Variants in SLC31A1 observed in about 807,000 individuals in gnomAD.
SLC31A1 encodes the protein solute carrier family 31 member 1, also known as high affinity copper uptake protein 1.
A neutral mutation model predicts 17.2 loss-of-function variants in SLC31A1; 5 were observed. The observed-to-expected ratio is 0.29, with a 90% CI of 0.15 to 0.61. The LOEUF is 0.61. SLC31A1 is among the 20% of genes least tolerant of loss of function. The pLI is 0.86. For synonymous variants in SLC31A1, 76 were observed against 78.8 expected (o/e 0.96, Z 0.19); for missense variants, 161 against 241.4 (o/e 0.67, Z 2.21).
At chr9:113,245,592 C>A (rs117452400) in intron 1 of SLC31A1, among the ~76,000 whole-genome samples, 1,898 of 151,948 alleles carry the variant, frequency 0.012, 28 homozygotes, top group Non-Finnish European at 0.016. Context: ...GGAGCTACTA[C>A]GTTTTTTCCA....
At chr9:113,221,891 C>T (rs117553669) in intron 1 of SLC31A1, among the ~76,000 whole-genome samples, 338 of 152,326 alleles carry the variant, frequency 2.2e-3, no homozygotes, top group Non-Finnish European at 3.9e-3. Flanking sequence ...TCAGTTTCCC[C>T]GTGTATGCAA....
chr9:113,259,784 C>A (rs1372802367), intron 4 of SLC31A1, among the ~76,000 whole-genome samples: 1 of 151,888 alleles, frequency 6.6e-6, no homozygotes, highest in Non-Finnish European at 1.5e-5. Flanking sequence ...CAAGGTTTCG[C>A]CATGTTGCCC....
At position 113,230,556 on chromosome 9, in the gene SLC31A1, G is replaced by C. The variant is rs146283234; in HGVS notation, c.-36+8878G>C. Among the ~76,000 whole-genome samples, 31 of 152,238 alleles carry C rather than the reference G, an allele frequency of 2.0e-4. No individual in the cohort carries two copies. In the East Asian group the frequency reaches 6.0e-3, roughly 29 times the overall value. On this transcript the variant is annotated intron_variant, in intron 1 of 4. Transcript: ENST00000374212. The stretch of plus-strand genomic sequence containing the variant: ...TTATAGGCATGAGCCACTGTACCCT[G>C]CCTGTTTTGTTTTTAATTAATACAT...
At chr9:113,254,990 AG>A (rs1587995939) in intron 1 of SLC31A1, among the ~76,000 whole-genome samples, 1 of 152,224 alleles carries the variant, frequency 6.6e-6, no homozygotes, top group East Asian at 1.9e-4. Context: ...TAAAGATACA[AG>A]GCTGAATTTG....
intron 3 of SLC31A1, among the ~76,000 whole-genome samples, chr9:113,257,606 C>T (rs1367077485): frequency 2.6e-5 from 4 of 151,640 alleles, no homozygotes; most frequent in Non-Finnish European, 5.9e-5. Flanking sequence ...CTGCCTCAGC[C>T]TCCTGAGTAG....
At chr9:113,234,263 T>G (rs1831430739) in intron 1 of SLC31A1, among the ~76,000 whole-genome samples, 1 of 151,850 alleles carries the variant, frequency 6.6e-6, no homozygotes, top group Non-Finnish European at 1.5e-5. Context: ...TACAGTGGCG[T>G]GATCTTGGCT....
At chr9:113,255,563 A>T (rs1020703375) in intron 1 of SLC31A1, among the ~76,000 whole-genome samples, 1 of 152,144 alleles carries the variant, frequency 6.6e-6, no homozygotes, top group African/African-American at 2.4e-5. Context: ...AAAACAAAAA[A>T]TTAGCTGAGC....
At chr9:113,232,730 G>A (rs2118988213) in intron 1 of SLC31A1, among the ~76,000 whole-genome samples, 1 of 150,628 alleles carries the variant, frequency 6.6e-6, no homozygotes, top group South Asian at 2.1e-4. Flanking sequence ...CATAATCCCA[G>A]CCACTTGGTA....
At chr9:113,225,281 G>A (rs1259554662) in intron 1 of SLC31A1, among the ~76,000 whole-genome samples, 1 of 152,198 alleles carries the variant, frequency 6.6e-6, no homozygotes, top group African/African-American at 2.4e-5. Context: ...ACAGAAGAAA[G>A]TAATGGATTA....
In SLC31A1 at chr9:113,263,567, C is replaced by T. The variant is rs75939479; in HGVS notation, c.*3094C>T. The T allele has an allele frequency of 0.054, 8,201 of 152,580 alleles. 364 individuals are homozygous for T. Among genetic ancestry groups the T allele is most frequent in the South Asian group, 0.16 (780 of 4,814 alleles). The allele number at this position is 152,580 out of a possible 1,614,324, so 9.5% of individuals were successfully genotyped here. On this transcript the variant is annotated 3_prime_UTR_variant, in exon 5 of 5. Coordinates refer to ENST00000374212, the MANE Select transcript of SLC31A1 (RefSeq NM_001859.4). ...TCCCTTTTCTTTCAGTTTTTTTAATCGCATGTCTAGTATATTAAGTCTCCA... is the reference window on the plus strand; with the variant it reads ...TCCCTTTTCTTTCAGTTTTTTTAATTGCATGTCTAGTATATTAAGTCTCCA...
intron 3 of SLC31A1, 84 bp downstream of exon 3, chr9:113,257,269 CT>C: frequency 8.9e-7 from 1 of 1,123,830 alleles, no homozygotes; most frequent in Non-Finnish European, 1.4e-6. Context: ...GCACCTCTTT[CT>C]GTCCTAATTA....
intron 1 of SLC31A1, among the ~76,000 whole-genome samples, chr9:113,251,559 C>G (rs1831653959): frequency 6.6e-6 from 1 of 152,100 alleles, no homozygotes; most frequent in African/African-American, 2.4e-5. Context: ...AGGAAACAGG[C>G]TAAAAAGAAC....
chr9:113,239,830 C>G (rs769616251), intron 1 of SLC31A1, among the ~76,000 whole-genome samples: 1 of 152,224 alleles, frequency 6.6e-6, no homozygotes, highest in South Asian at 2.1e-4. Context: ...GTGATTCACC[C>G]TTCTTGGCCT....
In SLC31A1 at chr9:113,258,851, C is replaced by G. The variant is rs757926731; in HGVS notation, c.360C>G (p.His120Gln). Residue 120 changes from histidine to glutamine, a missense_variant, in exon 4 of 5, where the codon CAC (histidine) becomes CAG (glutamine). Physicochemically the swap from His to Gln is conservative, Grantham distance 24. Transcript: ENST00000374212. The surrounding 1 kb of genome is among the most constrained non-coding windows in gnomAD (Gnocchi z 4.8). ...GPNGTILMETHKTVGQQMLSF... is the reference protein window; with the variant it reads ...GPNGTILMETQKTVGQQMLSF... ...ATGGAACCATCCTTATGGAGACACA[C>G]AAAACTGTTGGGTAAGAACTGAACA... 4 of 1,614,198 alleles carry G rather than the reference C, an allele frequency of 2.5e-6. No homozygotes were observed. In the Admixed American group the frequency reaches 6.7e-5, roughly 27 times the overall value.
chr9:113,228,043 A>T (rs1357967931), intron 1 of SLC31A1, among the ~76,000 whole-genome samples: 3 of 152,204 alleles, frequency 2.0e-5, no homozygotes, highest in Non-Finnish European at 4.4e-5. Context: ...ATTTTATTTG[A>T]CCCTTACAAT....
At chr9:113,224,864 A>G (rs771129874) in intron 1 of SLC31A1, among the ~76,000 whole-genome samples, 3 of 152,240 alleles carry the variant, frequency 2.0e-5, no homozygotes, top group Non-Finnish European at 4.4e-5. Flanking sequence ...TATTAGTTGT[A>G]TAGGCCATAG....
Position 113,221,656 on chromosome 9 carries a change from G to C in SLC31A1, c.-58G>C, listed in dbSNP as rs1831271731. On this transcript the variant is annotated 5_prime_UTR_variant, in exon 1 of 5. Transcript: ENST00000374212. ...TTAAGATTCGGAGAGAGAGGTGCTA[G>C]TGGCTGGACTTGACCTGGAAAGGTA... The C allele has an allele frequency of 3.0e-6, 1 of 335,698 alleles. No homozygotes were observed. The highest frequency in any genetic ancestry group is 5.8e-6 in the Non-Finnish European group (1 of 172,214). 20.8% of individuals were successfully genotyped at this position (335,698 alleles called of 1,614,324 possible). A position where few individuals can be genotyped will look rare whatever the true frequency, so the allele number is the denominator to read the frequency against.
At chr9:113,249,298 C>CAAAA (rs56013452) in intron 1 of SLC31A1, among the ~76,000 whole-genome samples, 82 of 118,030 alleles carry the variant, frequency 6.9e-4, no homozygotes, top group African/African-American at 2.5e-3. Flanking sequence ...CCTCAATTGG[C>CAAAA]AAAAAAAAAA....
intron 1 of SLC31A1, among the ~76,000 whole-genome samples, chr9:113,255,120 C>G (rs1831706166): frequency 6.6e-6 from 1 of 152,134 alleles, no homozygotes; most frequent in Non-Finnish European, 1.5e-5. Context: ...CACTGCGTGC[C>G]TAGGGCCATA....
Sources: gnomAD v4.1 joint callset for allele counts (sites outside exome capture counted in the v4.1 genomes callset) on GRCh38, gnomAD v4.1.1 for gene constraint, Gnocchi (gnomAD v3.1) non-coding constraint, MANE v1.5 for transcripts, NCBI Gene and HGNC (gene_info 2026-07-23, HGNC 2026-07-21) for gene names.